CLASP1: variants seen among roughly 807,000 people sequenced by gnomAD.
CLASP1 encodes cytoplasmic linker associated protein 1, also known as CLIP-associating protein 1.
CLASP1 carries 38 observed loss-of-function variants against 192.3 expected under a neutral mutation model. The observed-to-expected ratio is 0.20, with a 90% confidence interval of 0.15 to 0.26. CLASP1 has a LOEUF of 0.26. CLASP1 is among the 10% of genes least tolerant of loss of function. The pLI is 1.00. For synonymous variants in CLASP1, 691 were observed against 712.8 expected (o/e 0.97, Z 0.49); for missense variants, 1,433 against 1,932.5 (o/e 0.74, Z 4.85).
intron 23 of CLASP1, among the ~76,000 whole-genome samples, chr2:121,414,442 C>A (rs761962223): frequency 6.6e-6 from 1 of 152,146 alleles, no homozygotes; most frequent in Non-Finnish European, 1.5e-5. Context: ...CTTAAAGGTG[C>A]TCCAAACTAA....
chr2:121,534,014 T>C (rs2094970012), intron 2 of CLASP1, among the ~76,000 whole-genome samples: 2 of 152,086 alleles, frequency 1.3e-5, no homozygotes, highest in African/African-American at 4.8e-5. Context: ...CGAGCACAAC[T>C]AAAAAATGCT....
rs146712821 is a variant in CLASP1 at position 121,429,525 on chromosome 2, G to A, written c.2017+548C>T. 1.5e-3 allele frequency among the ~76,000 whole-genome samples: 222 copies of A among 152,338 alleles called. 1 individual carries two copies. The highest frequency in any genetic ancestry group is 5.2e-3 in the African/African-American group (217 of 41,572). On this transcript the variant is annotated intron_variant, in intron 20 of 39. Transcript: ENST00000263710. ...TCATTCCAGCTGTGGCTGCTTTCAT[G>A]GCTAAGGCTAACAAACCAACTGACT...
chr2:121,419,365 A>C (rs2079114394), intron 22 of CLASP1, among the ~76,000 whole-genome samples: 1 of 152,170 alleles, frequency 6.6e-6, no homozygotes, highest in African/African-American at 2.4e-5. Context: ...CAGATATAAA[A>C]AGTGGGGACT....
exon 20 of CLASP1, chr2:121,430,113 G>T (rs1377710152): frequency 1.3e-6 from 2 of 1,577,056 alleles, no homozygotes; most frequent in Admixed American, 1.8e-5. Flanking sequence ...TGCGGCCCCG[G>T]TTATCAGGTG....
intron 8 of CLASP1, among the ~76,000 whole-genome samples, chr2:121,494,846 C>T (rs1233196190): frequency 6.6e-6 from 1 of 151,486 alleles, no homozygotes; most frequent in African/African-American, 2.4e-5. Context: ...TATGGTGAAA[C>T]CTCGTCTCTA....
At chr2:121,341,474 T>C (rs188087392) in intron 39 of CLASP1, among the ~76,000 whole-genome samples, 6 of 152,298 alleles carry the variant, frequency 3.9e-5, no homozygotes, top group Admixed American at 3.9e-4. Context: ...GATTAAACTC[T>C]TCAATCAAAA....
chr2:121,383,962 T>TA (rs541517904), intron 32 of CLASP1, among the ~76,000 whole-genome samples: 1,442 of 139,646 alleles, frequency 0.01, 24 homozygotes, highest in African/African-American at 0.034. Flanking sequence ...ACTGGGTTGA[T>TA]AAAAAAAAAA....
intron 37 of CLASP1, among the ~76,000 whole-genome samples, chr2:121,358,158 G>A (rs147205565): frequency 6.6e-5 from 10 of 152,302 alleles, no homozygotes; most frequent in African/African-American, 1.4e-4. Context: ...AGGTTTTGGG[G>A]TTTTGTCTTT....
In CLASP1 at chr2:121,440,353, T is replaced by A. The variant is rs186922939; in HGVS notation, c.1912+6984A>T. On this transcript the variant is annotated intron_variant, in intron 19 of 39. Transcript: ENST00000263710. ...TACTATGAGTACCTGTGCATGTTTT[T>A]AAAAGATGATATAAAATGCTCTGTG... Among the ~76,000 whole-genome samples, 259 of 152,354 alleles carry A rather than the reference T, an allele frequency of 1.7e-3. 1 individual carries two copies. Among genetic ancestry groups the A allele is most frequent in the South Asian group, 5.6e-3 (27 of 4,828 alleles).
rs2067368026 is a variant in CLASP1 at position 121,366,139 on chromosome 2, C to A, written c.3887-855G>T. Among the ~76,000 whole-genome samples the A allele has an allele frequency of 2.0e-5, 3 of 152,210 alleles. No individual in the cohort carries two copies. In the South Asian group the frequency reaches 6.2e-4, roughly 32 times the overall value. On this transcript the variant is annotated intron_variant, in intron 35 of 39. Coordinates refer to ENST00000263710, the Ensembl canonical transcript of CLASP1. ...CTGTCATTTCCTCCTGCCTTCCTATCTTTTCCTCCTTTTCTTTAAGCCTTT... is the reference window on the plus strand; with the variant it reads ...CTGTCATTTCCTCCTGCCTTCCTATATTTTCCTCCTTTTCTTTAAGCCTTT...
intron 2 of CLASP1, among the ~76,000 whole-genome samples, chr2:121,566,996 T>C (rs554792832): frequency 2.6e-4 from 39 of 152,264 alleles, no homozygotes; most frequent in Non-Finnish European, 1.8e-4. Context: ...GGAAGCATAG[T>C]TCAGGGGAAG....
chr2:121,426,515 G>T (rs535771846), intron 21 of CLASP1, among the ~76,000 whole-genome samples: 47 of 152,184 alleles, frequency 3.1e-4, no homozygotes, highest in Non-Finnish European at 6.0e-4. Context: ...GTGTCTGTGT[G>T]TGTATATGTA....
chr2:121,420,144 A>C (rs923106493), intron 22 of CLASP1, among the ~76,000 whole-genome samples: 5 of 151,538 alleles, frequency 3.3e-5, no homozygotes, highest in Non-Finnish European at 7.4e-5. Context: ...AAAAAAAAAA[A>C]GTCAAGCACA....
chr2:121,468,862 C>T (rs2090147712), intron 9 of CLASP1, among the ~76,000 whole-genome samples: 1 of 152,168 alleles, frequency 6.6e-6, no homozygotes, highest in Admixed American at 6.5e-5. Context: ...TTTCAGCCAT[C>T]TCAGTCTCAG....
chr2:121,363,196 T>C, exon 37 of CLASP1: 1 of 1,613,980 alleles, frequency 6.2e-7, no homozygotes. Flanking sequence ...CTTTGTGGGC[T>C]TCCAGAGTCT....
chr2:121,531,200 A>G (rs556482665), intron 2 of CLASP1, among the ~76,000 whole-genome samples: 1 of 152,212 alleles, frequency 6.6e-6, no homozygotes, highest in Non-Finnish European at 1.5e-5. Flanking sequence ...CTTTACGCCG[A>G]TCATCAACTG....
intron 38 of CLASP1, among the ~76,000 whole-genome samples, 175 bp downstream of exon 39, chr2:121,348,337 G>A (rs1329612080): frequency 6.6e-6 from 1 of 152,216 alleles, no homozygotes; most frequent in Non-Finnish European, 1.5e-5. Context: ...GAGGGGGTGA[G>A]CTGGAAGCCG....
intron 1 of CLASP1, among the ~76,000 whole-genome samples, chr2:121,640,534 T>A (rs2071851919): frequency 6.6e-6 from 1 of 152,180 alleles, no homozygotes; most frequent in Non-Finnish European, 1.5e-5. Context: ...AGTCACCTGA[T>A]CTAATCCTCG....
chr2:121,633,848 T>C (rs1242709744), intron 1 of CLASP1, among the ~76,000 whole-genome samples: 3 of 150,708 alleles, frequency 2.0e-5, no homozygotes, highest in Non-Finnish European at 1.5e-5. Context: ...CTACTAAAAA[T>C]AAAAAAAAAT....
Sources: allele counts gnomAD v4.1 joint callset (sites outside exome capture counted in the v4.1 genomes callset), GRCh38; gene constraint gnomAD v4.1.1; transcripts MANE v1.5; gene names NCBI Gene and HGNC (gene_info 2026-07-23, HGNC 2026-07-21).